TLN2: variants seen among roughly 807,000 people sequenced by gnomAD.
TLN2 encodes talin 2, also known as talin-2.
Under a neutral mutation model 294.7 loss-of-function variants are expected in TLN2, and 118 were observed. The observed-to-expected ratio is 0.40, with a 90% CI of 0.34 to 0.47. The LOEUF is 0.47. Ranked by LOEUF, TLN2 falls within the 20% of genes least tolerant of loss-of-function variation. The pLI is 0.84. For missense variants in TLN2, 3,083 were observed against 3,282.2 expected (o/e 0.94, Z 1.48); for synonymous variants, 1,431 against 1,304.5 (o/e 1.10, Z -2.09).
intron 14 of TLN2, among the ~76,000 whole-genome samples, chr15:62,697,146 T>G (rs950290862): frequency 1.3e-5 from 2 of 152,242 alleles, no homozygotes; most frequent in African/African-American, 4.8e-5. Flanking sequence ...CTCACTCTTT[T>G]GCCCAGGCTG....
At chr15:62,689,454 TTTA>T (rs1465022053) in intron 12 of TLN2, among the ~76,000 whole-genome samples, 1 of 152,198 alleles carries the variant, frequency 6.6e-6, no homozygotes. Context: ...TACACTTCCC[TTTA>T]TTTTTATCTA....
At chr15:62,694,132 T>C (rs1185591830) in intron 13 of TLN2, among the ~76,000 whole-genome samples, 184 bp from the exon 14 acceptor site, 2 of 152,010 alleles carry the variant, frequency 1.3e-5, no homozygotes, top group African/African-American at 2.4e-5. Flanking sequence ...CATGCCAGGC[T>C]GATTTATGTA....
chr15:62,694,657 G>A (rs2058195132), intron 14 of TLN2, among the ~76,000 whole-genome samples: 1 of 152,184 alleles, frequency 6.6e-6, no homozygotes, highest in South Asian at 2.1e-4. Context: ...GTGTTCATGA[G>A]TCCTGTTCTG....
At chr15:62,741,748 C>CGCGCGCGTGTTTGTGTGTGTGTGT in intron 32 of TLN2, among the ~76,000 whole-genome samples, 1 of 131,072 alleles carries the variant, frequency 7.6e-6, no homozygotes, top group Non-Finnish European at 1.6e-5. Context: ...AAAATTTGCG[C>CGCGCGCGTGTTTGTGTGTGTGTGT]GTGTGTGTGT....
At chr15:62,685,509 G>C (rs1318601396) in intron 11 of TLN2, among the ~76,000 whole-genome samples, 1 of 152,152 alleles carries the variant, frequency 6.6e-6, no homozygotes, top group Non-Finnish European at 1.5e-5. Context: ...AAAGCTAGCT[G>C]TGTCAAAAGT....
chr15:62,819,274 T>C lies in TLN2; in HGVS notation c.6772-242T>C, dbSNP rs181792945. Reference sequence around the variant, plus strand: ...AGGACTTTGTCTCCTTTATGATCTTTAGGAGCTATGTCAGGAGGGACCTTA... The same window carrying C: ...AGGACTTTGTCTCCTTTATGATCTTCAGGAGCTATGTCAGGAGGGACCTTA... On this transcript the variant is annotated intron_variant, in intron 52 of 58. Transcript: ENST00000636159. Among the ~76,000 whole-genome samples the C allele has an allele frequency of 2.4e-3, 358 of 152,300 alleles. 2 individuals are homozygous for C. Among genetic ancestry groups the C allele is most frequent in the African/African-American group, 8.1e-3 (336 of 41,566 alleles).
intron 1 of TLN2, among the ~76,000 whole-genome samples, chr15:62,436,050 A>G (rs1408759901): frequency 1.3e-5 from 2 of 152,256 alleles, no homozygotes; most frequent in South Asian, 2.1e-4. Context: ...TCTTGTGCCT[A>G]CTTGTTTCAA....
In TLN2 at chr15:62,702,187, C is replaced by T; in HGVS notation, c.1892C>T (p.Pro631Leu). 1.9e-6 allele frequency: 3 copies of T among 1,599,236 alleles called. No homozygotes were observed. Among genetic ancestry groups the T allele is most frequent in the Non-Finnish European group, 2.6e-6 (3 of 1,172,022 alleles). The change falls in exon 18 of 59, where the codon CCT becomes CTT. Residue 631 changes from proline to leucine, a missense_variant. Pro to Leu is a moderately conservative substitution (Grantham distance 98). Transcript: ENST00000636159. ...AVSDLLKAVQ[P>L]TSGEPRQTVL... The stretch of plus-strand genomic sequence containing the variant: ...TCAGACTTGCTGAAAGCTGTGCAGC[C>T]TACTTCTGGAGAGGTAAGCTCCAGA...
intron 48 of TLN2, among the ~76,000 whole-genome samples, chr15:62,799,056 T>G (rs1252287540): frequency 1.3e-5 from 2 of 152,186 alleles, no homozygotes; most frequent in African/African-American, 2.4e-5. Flanking sequence ...CCAGTTTATC[T>G]TCAAAGCAAT....
At chr15:62,704,169 A>G (rs769505033) in intron 19 of TLN2, among the ~76,000 whole-genome samples, 4 of 152,120 alleles carry the variant, frequency 2.6e-5, no homozygotes, top group Non-Finnish European at 5.9e-5. Context: ...ATAATGAAAT[A>G]TTTACTTAGA....
At chr15:62,607,004 C>T (rs2047509589) in intron 2 of TLN2, among the ~76,000 whole-genome samples, 1 of 152,184 alleles carries the variant, frequency 6.6e-6, no homozygotes, top group Non-Finnish European at 1.5e-5. Flanking sequence ...ATCACCACCA[C>T]CGCTGCCTGT....
intron 54 of TLN2, chr15:62,823,928 C>T (rs751676520): frequency 1.5e-5 from 8 of 522,878 alleles, no homozygotes; most frequent in South Asian, 7.2e-5. Context: ...TGCCTAGTCT[C>T]GAGCTCAGTC....
chr15:62,640,863 G>A (rs1019393944), intron 3 of TLN2, among the ~76,000 whole-genome samples: 27 of 151,978 alleles, frequency 1.8e-4, no homozygotes, highest in African/African-American at 3.6e-4. Context: ...GTGCAGTGGC[G>A]CGATCTTGGC....
At chr15:62,418,318 C>T (rs2140266996) in intron 1 of TLN2, among the ~76,000 whole-genome samples, 1 of 152,306 alleles carries the variant, frequency 6.6e-6, no homozygotes, top group East Asian at 1.9e-4. Flanking sequence ...ATAGACTATT[C>T]TAGAATCAAC....
rs71129016 is a variant in TLN2 at position 62,620,837 on chromosome 15, C to CTT, written c.-37+2382_-37+2383dup. Among the ~76,000 whole-genome samples, 6 of 66,398 alleles carry CTT rather than the reference C, an allele frequency of 9.0e-5. 1 individual carries two copies. Among genetic ancestry groups the CTT allele is most frequent in the African/African-American group, 2.8e-4 (5 of 18,178 alleles). The allele number at this position is 66,398 out of a possible 152,430, so 43.6% of individuals were successfully genotyped here. ...GCTTCTTTTTTTTTTCTTTCTTTTT[C>CTT]TTTTTTTTTTTTTTTTTTTTTCTGA... is the stretch of plus-strand genomic sequence containing the variant. On this transcript the variant is annotated intron_variant, in intron 3 of 58. Coordinates refer to ENST00000636159, the MANE Select transcript of TLN2 (RefSeq NM_015059.3).
At chr15:62,588,707 T>C (rs1417816875) in intron 1 of TLN2, among the ~76,000 whole-genome samples, 2 of 100,222 alleles carry the variant, frequency 2.0e-5, no homozygotes, top group African/African-American at 7.5e-5. Context: ...TATATATATA[T>C]GAAATATACA....
intron 36 of TLN2, 184 bp from the exon 37 acceptor site, chr15:62,755,348 C>G: frequency 1.5e-6 from 1 of 659,350 alleles, no homozygotes; most frequent in Non-Finnish European, 2.4e-6. Flanking sequence ...TCTTTATTAT[C>G]TGTGCTTAAG....
intron 53 of TLN2, 22 bp from the exon 54 acceptor site, chr15:62,820,464 C>T (rs2067468761): frequency 6.2e-7 from 1 of 1,612,394 alleles, no homozygotes; most frequent in African/African-American, 1.3e-5. Context: ...TGAAGAATCA[C>T]CTTCTTTTGG....
chr15:62,582,244 A>C lies in TLN2; in HGVS notation c.-237-7443A>C, dbSNP rs1561752. Among the ~76,000 whole-genome samples the C allele has an allele frequency of 7.7e-3, 794 of 102,770 alleles. 21 individuals are homozygous for C. The highest frequency in any genetic ancestry group is 0.029 in the South Asian group (75 of 2,594). 67.4% of individuals were successfully genotyped at this position (102,770 alleles called of 152,430 possible). A position where few individuals can be genotyped will look rare whatever the true frequency, so the allele number is the denominator to read the frequency against. ...CACACACACACACACACACACACACACACATTCATGCCTGACCCATTCCTG... is the reference window on the plus strand; with the variant it reads ...CACACACACACACACACACACACACCCACATTCATGCCTGACCCATTCCTG... On this transcript the variant is annotated intron_variant, in intron 1 of 58. Coordinates refer to ENST00000636159, the MANE Select transcript of TLN2 (RefSeq NM_015059.3).
Sources: allele counts gnomAD v4.1 joint callset (sites outside exome capture counted in the v4.1 genomes callset), GRCh38; gene constraint gnomAD v4.1.1; transcripts MANE v1.5; gene names NCBI Gene and HGNC (gene_info 2026-07-23, HGNC 2026-07-21).